Variants in FYN observed in about 807,000 individuals in gnomAD.
FYN encodes the protein FYN proto-oncogene, Src family tyrosine kinase.
In FYN, 10 loss-of-function variants were observed where a neutral mutation model predicts 70.2. That is an observed-to-expected ratio of 0.14 (90% CI 0.09 to 0.24). The LOEUF (loss-of-function observed/expected upper bound fraction) is 0.24. Ranked by LOEUF, FYN falls within the 10% of genes least tolerant of loss-of-function variation. The pLI, the probability that FYN is intolerant of heterozygous loss-of-function variation, is 1.00. For missense variants in FYN, 319 were observed against 673.1 expected (o/e 0.47, Z 5.82); for synonymous variants, 236 against 248.6 (o/e 0.95, Z 0.48).
At chr6:111,675,241 G>C (rs1004299188) in intron 12 of FYN, among the ~76,000 whole-genome samples, 11 of 152,134 alleles carry the variant, frequency 7.2e-5, no homozygotes, top group African/African-American at 2.7e-4. Context: ...CATACTGTAA[G>C]ATCACTTTCT....
At chr6:111,799,591 T>A (rs1339992926) in intron 2 of FYN, among the ~76,000 whole-genome samples, 2 of 152,224 alleles carry the variant, frequency 1.3e-5, no homozygotes, top group African/African-American at 4.8e-5. Flanking sequence ...CGTCTCCTTG[T>A]GGTCCTTTCA....
intron 2 of FYN, among the ~76,000 whole-genome samples, chr6:111,833,948 C>T (rs1773101303): frequency 6.6e-6 from 1 of 152,068 alleles, no homozygotes; most frequent in Non-Finnish European, 1.5e-5. Flanking sequence ...AGTGGTCTTC[C>T]ACTCATACAA....
intron 2 of FYN, among the ~76,000 whole-genome samples, chr6:111,838,779 G>A (rs1583484398): frequency 6.6e-6 from 1 of 152,156 alleles, no homozygotes; most frequent in African/African-American, 2.4e-5. Flanking sequence ...AATAATCTAT[G>A]GTATGTGTGG....
At chr6:111,662,076 C>A in intron 13 of FYN, 129 bp from the exon 14 acceptor site, 1 of 701,504 alleles carries the variant, frequency 1.4e-6, no homozygotes, top group Non-Finnish European at 2.3e-6. Flanking sequence ...CCCATCCCCC[C>A]AGGAGTCAAA....
At chr6:111,680,398 T>C (rs142785529) in intron 12 of FYN, among the ~76,000 whole-genome samples, 140 of 152,298 alleles carry the variant, frequency 9.2e-4, no homozygotes, top group African/African-American at 3.2e-3. Flanking sequence ...TAAGATGGGG[T>C]ACAAGGACAG....
At chr6:111,841,450 G>A (rs1235512267) in intron 2 of FYN, among the ~76,000 whole-genome samples, 1 of 152,186 alleles carries the variant, frequency 6.6e-6, no homozygotes, top group Admixed American at 6.5e-5. Context: ...GAAAGAGAAG[G>A]GTGCTTCAAG....
chr6:111,702,818 C>T, intron 8 of FYN, 67 bp downstream of exon 8: 4 of 1,504,080 alleles, frequency 2.7e-6, no homozygotes, highest in Non-Finnish European at 3.6e-6. Flanking sequence ...TTTCCACTTT[C>T]CTGCTCTGGG....
intron 1 of FYN, among the ~76,000 whole-genome samples, chr6:111,853,833 G>T (rs1390681172): frequency 6.6e-6 from 1 of 152,118 alleles, no homozygotes; most frequent in Non-Finnish European, 1.5e-5. Flanking sequence ...TGCCCAGGCT[G>T]GTCACGAATT....
chr6:111,715,051 T>C (rs1381964359), intron 4 of FYN, among the ~76,000 whole-genome samples: 2 of 152,054 alleles, frequency 1.3e-5, no homozygotes, highest in Non-Finnish European at 2.9e-5. Flanking sequence ...ACCCTCTCCC[T>C]TGTCCTCCCC....
chr6:111,709,134 C>A (rs1283309156), intron 5 of FYN: 2 of 152,096 alleles, frequency 1.3e-5, no homozygotes, highest in Non-Finnish European at 2.9e-5. Flanking sequence ...GGGCTCAGGA[C>A]CTTCTTTTCC....
At chr6:111,796,736 T>A (rs1477418661) in intron 2 of FYN, among the ~76,000 whole-genome samples, 1 of 152,202 alleles carries the variant, frequency 6.6e-6, no homozygotes, top group Non-Finnish European at 1.5e-5. Context: ...ACCTTAATGA[T>A]GTAACCACAC....
intron 4 of FYN, 161 bp from the exon 5 acceptor site, chr6:111,714,604 G>C: frequency 1.6e-6 from 1 of 626,548 alleles, no homozygotes; most frequent in East Asian, 2.8e-5. Flanking sequence ...CACAGTCACA[G>C]GGCTGTGTTT....
intron 3 of FYN, among the ~76,000 whole-genome samples, chr6:111,763,237 C>T (rs1803080964): frequency 6.6e-6 from 1 of 152,184 alleles, no homozygotes; most frequent in Non-Finnish European, 1.5e-5. Context: ...TTTGTAACTT[C>T]TGTTTCTATA....
At chr6:111,689,705 A>T (rs1182589337) in intron 12 of FYN, among the ~76,000 whole-genome samples, 7 of 152,182 alleles carry the variant, frequency 4.6e-5, no homozygotes, top group African/African-American at 1.7e-4. Flanking sequence ...CATGTCTGTG[A>T]TGTTCATTTA....
intron 1 of FYN, among the ~76,000 whole-genome samples, chr6:111,862,676 C>T (rs959879534): frequency 2.0e-5 from 3 of 152,108 alleles, no homozygotes; most frequent in African/African-American, 4.8e-5. Flanking sequence ...AAGTAGTAAC[C>T]GGATGTACCA....
chr6:111,807,196 T>C (rs186566739), intron 2 of FYN, among the ~76,000 whole-genome samples: 1,527 of 152,318 alleles, frequency 0.01, 92 homozygotes, highest in Admixed American at 0.092. Context: ...GTCTTGTATT[T>C]AGTTACATTT....
intron 12 of FYN, among the ~76,000 whole-genome samples, chr6:111,676,140 G>A (rs774354206): frequency 1.6e-4 from 24 of 152,088 alleles, no homozygotes; most frequent in Admixed American, 4.6e-4. Context: ...ATAGCCAGAG[G>A]TATGATAAAT....
At position 111,661,729 on chromosome 6, in the gene FYN, GACCCGGGCCTT is replaced by G. The variant is rs1391788874; in HGVS notation, c.1613_*9del. On this transcript the variant is annotated stop_lost and 3_prime_UTR_variant, in exon 14 of 14. Transcript: ENST00000354650. This position sits in a 1 kb window ranked among gnomAD's most constrained non-coding sequence, Gnocchi z 4.0. ...CTCTGGGACAAGGCCTCTCTCCGCA[GACCCGGGCCTT>G]ACAGGTTTTCACCAGGTTGGTACTG... is the stretch of plus-strand genomic sequence containing the variant. 1 of 1,612,248 alleles carries G rather than the reference GACCCGGGCCTT, an allele frequency of 6.2e-7. No homozygotes were observed.
At chr6:111,821,219 C>T (rs1251964261) in intron 2 of FYN, among the ~76,000 whole-genome samples, 1 of 151,778 alleles carries the variant, frequency 6.6e-6, no homozygotes, top group African/African-American at 2.4e-5. Context: ...CATCACACTA[C>T]CTGACTTCAA....
Sources: gnomAD v4.1 joint callset for allele counts (sites outside exome capture counted in the v4.1 genomes callset) on GRCh38, gnomAD v4.1.1 for gene constraint, Gnocchi (gnomAD v3.1) non-coding constraint, MANE v1.5 for transcripts, NCBI Gene and HGNC (gene_info 2026-07-23, HGNC 2026-07-21) for gene names.